The following C20orf203 variants were observed in gnomAD, a reference collection of about 807,000 sequenced individuals.
C20orf203 encodes the protein chromosome 20 open reading frame 203.
In C20orf203, 16 loss-of-function variants were observed where a neutral mutation model predicts 15.9. That is an observed-to-expected ratio of 1.01 (90% CI 0.68 to 1.53). The LOEUF is 1.53. Ranked by LOEUF, C20orf203 falls within the 40% of genes most tolerant of loss-of-function variation. The pLI, the probability that C20orf203 is intolerant of heterozygous loss-of-function variation, is 0.00. For missense variants in C20orf203, 263 were observed against 247.5 expected, an observed-to-expected ratio of 1.06 and a Z score of -0.42; for synonymous variants, 98 against 97.2, an observed-to-expected ratio of 1.01 and a Z score of -0.05.
At chr20:32,663,657 A>G (rs761847167) in intron 1 of C20orf203, among the ~76,000 whole-genome samples, 1 of 152,224 alleles carries the variant, frequency 6.6e-6, no homozygotes, top group Non-Finnish European at 1.5e-5. Flanking sequence ...TTAGACATAA[A>G]CCAAAAAAGC....
Position 32,633,781 on chromosome 20 carries a change from A to T in C20orf203, c.*1789T>A. The T allele has an allele frequency of 2.7e-6, 1 of 364,052 alleles. No homozygotes were observed. The highest frequency in any genetic ancestry group is 4.9e-6 in the Non-Finnish European group (1 of 204,648). The allele number at this position is 364,052 out of a possible 1,614,324, so 22.6% of individuals were successfully genotyped here. A position where few individuals can be genotyped will look rare whatever the true frequency, so the allele number is the denominator to read the frequency against. On this transcript the variant is annotated 3_prime_UTR_variant, in exon 6 of 6. Transcript: ENST00000608990. ...GACTCCTCCGGCCAGTCGCCCTGAC[A>T]GCCCCCTCACCGCGTTGCACTACCT... is the stretch of plus-strand genomic sequence containing the variant.
At chr20:32,667,145 G>A (rs1255752116) in intron 1 of C20orf203, among the ~76,000 whole-genome samples, 2 of 152,056 alleles carry the variant, frequency 1.3e-5, no homozygotes. Context: ...GCTGCACTGG[G>A]GCAGAGCACA....
chr20:32,639,937 T>TA (rs1400043352), intron 5 of C20orf203, among the ~76,000 whole-genome samples: 1 of 152,204 alleles, frequency 6.6e-6, no homozygotes, highest in Non-Finnish European at 1.5e-5. Context: ...TTGGGGTCTG[T>TA]ACCATGTGCC....
chr20:32,668,772 G>A (rs114091437), intron 1 of C20orf203, among the ~76,000 whole-genome samples: 3,778 of 152,158 alleles, frequency 0.025, 146 homozygotes, highest in African/African-American at 0.084. Flanking sequence ...AGCCAAGATC[G>A]CCCCACTGTA....
At chr20:32,636,651 C>T (rs191758898) in intron 5 of C20orf203, among the ~76,000 whole-genome samples, 70 of 152,268 alleles carry the variant, frequency 4.6e-4, no homozygotes, top group Non-Finnish European at 9.6e-4. Flanking sequence ...CACCTGCGCC[C>T]CCCATGTGCT....
At chr20:32,654,993 A>T (rs759766144) in intron 1 of C20orf203, among the ~76,000 whole-genome samples, 11 of 152,246 alleles carry the variant, frequency 7.2e-5, no homozygotes, top group Non-Finnish European at 1.3e-4. Context: ...GAGTCCTGAG[A>T]GTCCAGAAAT....
chr20:32,663,115 A>AT (rs1455434918), intron 1 of C20orf203, among the ~76,000 whole-genome samples: 16 of 151,870 alleles, frequency 1.1e-4, no homozygotes, highest in African/African-American at 3.6e-4. Context: ...TGCCCGGCTA[A>AT]TTTTTTGTAT....
chr20:32,663,557 G>A (rs184803351), intron 1 of C20orf203, among the ~76,000 whole-genome samples: 39 of 152,296 alleles, frequency 2.6e-4, no homozygotes, highest in African/African-American at 8.7e-4. Context: ...AGTTACCTCC[G>A]GGGAGTGGGA....
chr20:32,671,154 A>G (rs1285941748), intron 1 of C20orf203, among the ~76,000 whole-genome samples: 3 of 152,358 alleles, frequency 2.0e-5, no homozygotes, highest in Admixed American at 1.3e-4. Flanking sequence ...TAGAACTACC[A>G]TATGATCCAG....
intron 1 of C20orf203, among the ~76,000 whole-genome samples, chr20:32,669,987 G>A (rs933887733): frequency 6.6e-6 from 1 of 151,776 alleles, no homozygotes; most frequent in Non-Finnish European, 1.5e-5. Context: ...GGATTCACGA[G>A]GTCAGGAGAT....
At chr20:32,643,512 TC>T in intron 4 of C20orf203, among the ~76,000 whole-genome samples, 1 of 152,170 alleles carries the variant, frequency 6.6e-6, no homozygotes, top group Admixed American at 6.5e-5. Context: ...TTCTGGCATT[TC>T]CCAAAGTGGA....
intron 1 of C20orf203, among the ~76,000 whole-genome samples, chr20:32,660,831 CCTT>C (rs1982872950): frequency 3.3e-5 from 5 of 152,162 alleles, no homozygotes; most frequent in Non-Finnish European, 7.3e-5. Context: ...TCAAGCATGT[CCTT>C]CTTCACACGG....
intron 4 of C20orf203, among the ~76,000 whole-genome samples, chr20:32,642,514 A>T (rs932763270): frequency 3.9e-5 from 6 of 152,228 alleles, no homozygotes; most frequent in Admixed American, 1.3e-4. Context: ...TGGCGCGGCG[A>T]GAGGCCACCA....
At chr20:32,670,953 G>A (rs1363582213) in intron 1 of C20orf203, among the ~76,000 whole-genome samples, 1 of 151,210 alleles carries the variant, frequency 6.6e-6, no homozygotes, top group African/African-American at 2.4e-5. Flanking sequence ...GATCACCAGA[G>A]AAATGCAAAT....
At chr20:32,636,428 C>T (rs111286021) in intron 5 of C20orf203, among the ~76,000 whole-genome samples, 2,320 of 152,278 alleles carry the variant, frequency 0.015, 71 homozygotes, top group African/African-American at 0.054. Context: ...AGCAAGGACA[C>T]GGCGCTGCTC....
intron 1 of C20orf203, among the ~76,000 whole-genome samples, chr20:32,672,533 A>G (rs1293409762): frequency 6.6e-6 from 1 of 151,348 alleles, no homozygotes; most frequent in Non-Finnish European, 1.5e-5. Context: ...TGATTGCATC[A>G]TTACACTTCA....
chr20:32,639,832 A>G (rs527645180), intron 5 of C20orf203, among the ~76,000 whole-genome samples: 40 of 152,102 alleles, frequency 2.6e-4, no homozygotes, highest in Non-Finnish European at 3.2e-4. Flanking sequence ...AAGCATACAG[A>G]ACACACAGAA....
intron 5 of C20orf203, among the ~76,000 whole-genome samples, chr20:32,635,570 C>T (rs543825734): frequency 3.3e-5 from 5 of 152,150 alleles, no homozygotes; most frequent in Admixed American, 2.6e-4. Flanking sequence ...AACCCCAGCA[C>T]TTTGGGAGGC....
At chr20:32,655,391 C>T (rs750275845) in intron 1 of C20orf203, among the ~76,000 whole-genome samples, 6 of 151,798 alleles carry the variant, frequency 4.0e-5, no homozygotes, top group South Asian at 2.1e-4. Flanking sequence ...AAAAGACAAC[C>T]CACAGGATAG....
Sources: allele counts gnomAD v4.1 joint callset (sites outside exome capture counted in the v4.1 genomes callset), GRCh38; gene constraint gnomAD v4.1.1; transcripts MANE v1.5; gene names NCBI Gene and HGNC (gene_info 2026-07-23, HGNC 2026-07-21).